Variants in XKR9 observed in about 807,000 individuals in gnomAD.
XKR9 encodes XK related 9.
XKR9 carries 32 observed loss-of-function variants against 32.0 expected under a neutral mutation model. The observed-to-expected ratio is 1.00, with a 90% CI of 0.76 to 1.34. XKR9 has a LOEUF of 1.34. Ranked by LOEUF, XKR9 falls within the 40% of genes most tolerant of loss-of-function variation. XKR9 has a pLI of 0.00. For missense variants in XKR9, 546 were observed against 429.7 expected (o/e 1.27, Z -2.39); for synonymous variants, 168 against 143.4 (o/e 1.17, Z -1.22).
intron 3 of XKR9, among the ~76,000 whole-genome samples, chr8:70,699,981 C>T (rs1484099104): frequency 6.6e-6 from 1 of 152,240 alleles, no homozygotes; most frequent in African/African-American, 2.4e-5. Context: ...GCATCAGCTC[C>T]TGAGTCTTCT....
At chr8:71,063,888 A>G in the XKR9 span, among the ~76,000 whole-genome samples, 1 of 152,236 alleles carries the variant, frequency 6.6e-6, no homozygotes, top group Non-Finnish European at 1.5e-5. Flanking sequence ...TTACTGATCA[A>G]TGTATACTCA....
the XKR9 span, among the ~76,000 whole-genome samples, chr8:70,860,032 G>A: frequency 6.6e-6 from 1 of 152,064 alleles, no homozygotes; most frequent in Non-Finnish European, 1.5e-5. Flanking sequence ...CAAGGTGATG[G>A]ATACCCTAAG....
the XKR9 span, among the ~76,000 whole-genome samples, chr8:70,815,575 G>T: frequency 4.0e-5 from 6 of 148,674 alleles, no homozygotes; most frequent in Non-Finnish European, 8.9e-5. Context: ...ACCCAGGCTG[G>T]AGTGCAGTGG....
At chr8:70,763,455 T>TC (rs920437247) in intron 2 of XKR9, among the ~76,000 whole-genome samples, 1 of 152,162 alleles carries the variant, frequency 6.6e-6, no homozygotes, top group African/African-American at 2.4e-5. Context: ...GAGGTAAGAA[T>TC]CCCCCTGTGG....
the XKR9 span, among the ~76,000 whole-genome samples, chr8:70,914,775 C>A: frequency 2.0e-5 from 3 of 152,014 alleles, no homozygotes; most frequent in African/African-American, 7.2e-5. Context: ...CTTTTATAAC[C>A]AGTTTAAAAG....
At chr8:71,055,970 T>C in the XKR9 span, among the ~76,000 whole-genome samples, 1 of 152,212 alleles carries the variant, frequency 6.6e-6, no homozygotes, top group Non-Finnish European at 1.5e-5. Flanking sequence ...GAAGGAATTC[T>C]ATTTTTTGGA....
the XKR9 span, among the ~76,000 whole-genome samples, chr8:70,845,956 C>T: frequency 2.0e-5 from 3 of 152,038 alleles, no homozygotes; most frequent in South Asian, 6.2e-4. Flanking sequence ...GCTTACAGAT[C>T]CCCGAGTAGA....
chr8:71,037,835 A>G, the XKR9 span, among the ~76,000 whole-genome samples: 69 of 152,328 alleles, frequency 4.5e-4, no homozygotes, highest in African/African-American at 1.6e-3. Context: ...GCAACCGGAT[A>G]ACAAAAGAAT....
intron 2 of XKR9, among the ~76,000 whole-genome samples, chr8:70,751,531 T>C (rs1402693444): frequency 6.6e-6 from 1 of 152,154 alleles, no homozygotes; most frequent in African/African-American, 2.4e-5. Flanking sequence ...TTGAAGAGAT[T>C]GACATTTGAA....
chr8:71,049,788 A>G, the XKR9 span, among the ~76,000 whole-genome samples: 3 of 152,178 alleles, frequency 2.0e-5, no homozygotes, highest in Admixed American at 1.3e-4. Context: ...TAAGTTACAT[A>G]AAGAGAGAAA....
the XKR9 span, among the ~76,000 whole-genome samples, chr8:70,796,268 T>C: frequency 2.0e-5 from 3 of 152,156 alleles, no homozygotes; most frequent in African/African-American, 4.8e-5. Context: ...TTTGTTCATA[T>C]GTACCAGATT....
At chr8:70,672,770 A>G (rs1017869322) in intron 1 of XKR9, among the ~76,000 whole-genome samples, 2 of 146,824 alleles carry the variant, frequency 1.4e-5, no homozygotes, top group Non-Finnish European at 3.1e-5. Context: ...CTGGGGTAAG[A>G]TGATATCTCA....
chr8:70,794,033 T>C (rs2130275826), downstream of XKR9, among the ~76,000 whole-genome samples: 1 of 152,226 alleles, frequency 6.6e-6, no homozygotes, highest in African/African-American at 2.4e-5. Flanking sequence ...TTTCTTTCAA[T>C]GAAGTTTTGT....
the XKR9 span, among the ~76,000 whole-genome samples, chr8:70,845,783 C>A: frequency 6.6e-6 from 1 of 151,850 alleles, no homozygotes; most frequent in African/African-American, 2.4e-5. Context: ...ATAAAAAAAA[C>A]CAAAGCCCAT....
At chr8:70,871,611 G>A in the XKR9 span, among the ~76,000 whole-genome samples, 1 of 152,146 alleles carries the variant, frequency 6.6e-6, no homozygotes, top group Admixed American at 6.5e-5. Flanking sequence ...TGTTGTGTGT[G>A]TTCTGATTGC....
At chr8:70,839,737 G>A in the XKR9 span, among the ~76,000 whole-genome samples, 3 of 152,072 alleles carry the variant, frequency 2.0e-5, no homozygotes, top group Admixed American at 1.3e-4. Context: ...ACCACCACTT[G>A]CCAAATAATA....
chr8:70,786,104 A>T (rs1807685188), intron 2 of XKR9, among the ~76,000 whole-genome samples: 1 of 151,864 alleles, frequency 6.6e-6, no homozygotes, highest in African/African-American at 2.4e-5. Flanking sequence ...CTTGGTATTG[A>T]TTTCTATTTT....
the XKR9 span, among the ~76,000 whole-genome samples, chr8:70,877,802 A>T: frequency 6.6e-6 from 1 of 152,210 alleles, no homozygotes; most frequent in Non-Finnish European, 1.5e-5. Flanking sequence ...AATTCAGGAA[A>T]TACAGAGAAC....
the XKR9 span, among the ~76,000 whole-genome samples, chr8:70,894,761 G>A: frequency 6.6e-6 from 1 of 151,536 alleles, no homozygotes; most frequent in Non-Finnish European, 1.5e-5. Context: ...AGCAGGCAGG[G>A]AATCACTTCA....
Sources: gnomAD v4.1 joint callset for allele counts (sites outside exome capture counted in the v4.1 genomes callset) on GRCh38, gnomAD v4.1.1 for gene constraint, MANE v1.5 for transcripts, NCBI Gene and HGNC (gene_info 2026-07-23, HGNC 2026-07-21) for gene names.